Variants in C12orf42 observed in about 807,000 individuals in gnomAD.
C12orf42 encodes uncharacterized protein C12orf42.
C12orf42 carries 25 observed loss-of-function variants against 21.6 expected under a neutral mutation model. That is an observed-to-expected ratio of 1.16 (90% confidence interval 0.84 to 1.62). The LOEUF is 1.62. C12orf42 is among the 40% of genes most tolerant of loss of function. The pLI, the probability that C12orf42 is intolerant of heterozygous loss-of-function variation, is 0.00. For missense variants in C12orf42, 483 were observed against 459.3 expected, an observed-to-expected ratio of 1.05 and a Z score of -0.47; for synonymous variants, 174 against 175.0, an observed-to-expected ratio of 0.99 and a Z score of 0.05.
At chr12:103,469,090 T>C (rs143802878) in intron 2 of C12orf42, among the ~76,000 whole-genome samples, 282 of 152,250 alleles carry the variant, frequency 1.9e-3, no homozygotes, top group Non-Finnish European at 3.2e-3. Context: ...TGACTCCCTT[T>C]CTCAGCCTCA....
chr12:103,286,499 T>A (rs889715749), intron 4 of C12orf42, among the ~76,000 whole-genome samples: 2 of 151,358 alleles, frequency 1.3e-5, no homozygotes, highest in African/African-American at 4.8e-5. Flanking sequence ...AGTAACCGAC[T>A]CAGACTTAAT....
At chr12:103,394,992 C>T (rs530309435) in intron 3 of C12orf42, among the ~76,000 whole-genome samples, 2 of 152,340 alleles carry the variant, frequency 1.3e-5, no homozygotes, top group South Asian at 4.1e-4. Flanking sequence ...CTGCAAAGTA[C>T]TCACTTATTC....
At chr12:103,161,516 A>G in the C12orf42 span, 8 of 152,302 alleles carry the variant, frequency 5.3e-5, no homozygotes, top group Middle Eastern at 3.4e-3. Flanking sequence ...TTCATCTCAC[A>G]TAGTATTTCT....
chr12:103,047,642 C>T, the C12orf42 span, among the ~76,000 whole-genome samples: 1 of 152,256 alleles, frequency 6.6e-6, no homozygotes, highest in Non-Finnish European at 1.5e-5. Context: ...TTAAAACAAC[C>T]ATTTATTTGG....
At chr12:103,306,733 T>C (rs548761192) in intron 4 of C12orf42, among the ~76,000 whole-genome samples, 1 of 152,302 alleles carries the variant, frequency 6.6e-6, no homozygotes, top group African/African-American at 2.4e-5. Context: ...CCAAAAAAGA[T>C]ATATTAAAGT....
At chr12:103,321,858 C>T (rs1185910896) in intron 4 of C12orf42, among the ~76,000 whole-genome samples, 1 of 150,938 alleles carries the variant, frequency 6.6e-6, no homozygotes, top group Admixed American at 6.6e-5. Flanking sequence ...CACTCTGGGG[C>T]CTGTTGTGGG....
the C12orf42 span, among the ~76,000 whole-genome samples, chr12:103,142,543 G>T: frequency 2.6e-5 from 4 of 152,106 alleles, no homozygotes; most frequent in Admixed American, 6.6e-5. Context: ...TTTCACTGAG[G>T]ACTGACCCCA....
the C12orf42 span, among the ~76,000 whole-genome samples, chr12:103,100,970 T>G: frequency 2.0e-5 from 3 of 152,168 alleles, no homozygotes; most frequent in African/African-American, 2.4e-5. Flanking sequence ...GATGTGGTAG[T>G]GAGGTGGAAA....
chr12:103,203,139 A>C, the C12orf42 span, among the ~76,000 whole-genome samples: 50,424 of 151,850 alleles, frequency 0.33, 9,327 homozygotes, highest in South Asian at 0.42. Context: ...ATGGAGACCC[A>C]CCTTTCACTT....
At chr12:103,312,640 G>T (rs982471676) in intron 4 of C12orf42, among the ~76,000 whole-genome samples, 1 of 152,084 alleles carries the variant, frequency 6.6e-6, no homozygotes, top group Admixed American at 6.5e-5. Context: ...TACACTTGGG[G>T]CTTTTTTGGT....
chr12:103,062,417 T>G, the C12orf42 span, among the ~76,000 whole-genome samples: 2 of 151,960 alleles, frequency 1.3e-5, no homozygotes, highest in Admixed American at 1.3e-4. Context: ...TGATACTAAA[T>G]TCTATATCAA....
At chr12:103,126,716 T>TA in the C12orf42 span, among the ~76,000 whole-genome samples, 1 of 150,534 alleles carries the variant, frequency 6.6e-6, no homozygotes, top group Non-Finnish European at 1.5e-5. Context: ...ATGCCTTAGT[T>TA]AGATGCTTAT....
chr12:103,065,135 A>G, the C12orf42 span, among the ~76,000 whole-genome samples: 1 of 152,344 alleles, frequency 6.6e-6, no homozygotes, highest in African/African-American at 2.4e-5. Flanking sequence ...TGCAGAGACT[A>G]GTGACACCAT....
intron 2 of C12orf42, among the ~76,000 whole-genome samples, chr12:103,475,341 A>G (rs1421918944): frequency 6.6e-6 from 1 of 152,240 alleles, no homozygotes; most frequent in Non-Finnish European, 1.5e-5. Context: ...GCAAAACAAT[A>G]TGGTGGGCAC....
intron 10 of C12orf42, among the ~76,000 whole-genome samples, chr12:103,246,712 A>G (rs1173571255): frequency 6.6e-6 from 1 of 152,070 alleles, no homozygotes; most frequent in African/African-American, 2.4e-5. Context: ...TAAACAATCC[A>G]CTTTGTGGCC....
At chr12:103,418,990 G>A (rs1593922552) in intron 2 of C12orf42, among the ~76,000 whole-genome samples, 1 of 152,044 alleles carries the variant, frequency 6.6e-6, no homozygotes, top group East Asian at 1.9e-4. Flanking sequence ...TACTAGAGGG[G>A]AAAAATCTAA....
chr12:103,208,863 TA>T, the C12orf42 span, among the ~76,000 whole-genome samples: 7 of 152,212 alleles, frequency 4.6e-5, no homozygotes, highest in African/African-American at 1.7e-4. Context: ...TTCCTCATTA[TA>T]AAAGCCCTCA....
the C12orf42 span, among the ~76,000 whole-genome samples, chr12:103,050,526 A>G: frequency 2.6e-5 from 4 of 152,088 alleles, no homozygotes; most frequent in African/African-American, 9.7e-5. Flanking sequence ...GCAAGAGTAA[A>G]TGTTCTTATT....
chr12:103,381,810 G>A (rs749022095), intron 3 of C12orf42, among the ~76,000 whole-genome samples: 10 of 152,016 alleles, frequency 6.6e-5, no homozygotes, highest in Admixed American at 1.3e-4. Flanking sequence ...CCAGCTACTC[G>A]GGAGGCTGAG....
Sources: allele counts gnomAD v4.1 joint callset (sites outside exome capture counted in the v4.1 genomes callset), GRCh38; gene constraint gnomAD v4.1.1; transcripts MANE v1.5; gene names NCBI Gene and HGNC (gene_info 2026-07-23, HGNC 2026-07-21).